The following GSE1 variants were observed in gnomAD, a reference collection of about 807,000 sequenced individuals.
GSE1 encodes the protein Gse1 coiled-coil protein.
A neutral mutation model predicts 112.6 loss-of-function variants in GSE1; 32 were observed. That is an observed-to-expected ratio of 0.28 (90% confidence interval 0.21 to 0.38). The LOEUF is 0.38. Among genes scored for constraint, GSE1 ranks in the 10% least tolerant of loss-of-function variants. GSE1 has a pLI of 1.00. For synonymous variants in GSE1, 1,115 were observed against 735.6 expected (o/e 1.52, Z -8.35); for missense variants, 2,348 against 1,699.2 (o/e 1.38, Z -6.71).
At chr16:85,552,328 C>CTT (rs1195413161), upstream of GSE1, among the ~76,000 whole-genome samples, 131 of 47,746 alleles carry the variant, frequency 2.7e-3, 5 homozygotes, top group East Asian at 3.8e-3. Flanking sequence ...CCCGCCCCTC[C>CTT]TTTTTTTTTT....
chr16:85,184,778 T>C (rs1344052610), intron 1 of GSE1, among the ~76,000 whole-genome samples: 1 of 152,254 alleles, frequency 6.6e-6, no homozygotes, highest in South Asian at 2.1e-4. Flanking sequence ...ATCTTATGGT[T>C]ATTGATTTCT....
chr16:85,322,145 A>T (rs2046121416), intron 1 of GSE1, among the ~76,000 whole-genome samples: 1 of 152,270 alleles, frequency 6.6e-6, no homozygotes, highest in Non-Finnish European at 1.5e-5. Flanking sequence ...CGCTCAGAGC[A>T]GTGTTGTTTC....
At chr16:85,498,928 C>A (rs2051271055) in intron 2 of GSE1, among the ~76,000 whole-genome samples, 1 of 152,250 alleles carries the variant, frequency 6.6e-6, no homozygotes, top group Non-Finnish European at 1.5e-5. Flanking sequence ...AGCGGCATTG[C>A]ACAGACCGGG....
intron 2 of GSE1, among the ~76,000 whole-genome samples, chr16:85,543,759 C>T (rs2044605845): frequency 6.6e-6 from 1 of 152,220 alleles, no homozygotes; most frequent in Non-Finnish European, 1.5e-5. Flanking sequence ...ACCCAGCGTG[C>T]TGGCTGGATT....
intron 1 of GSE1, among the ~76,000 whole-genome samples, chr16:85,218,731 T>TG (rs1485466488): frequency 6.6e-6 from 1 of 152,260 alleles, no homozygotes; most frequent in Non-Finnish European, 1.5e-5. Flanking sequence ...GGTCCTGCTC[T>TG]GTGCGTCCAG....
At position 85,656,343 on chromosome 16, in the gene GSE1, G is replaced by C; in HGVS notation, c.990G>C (p.Arg330Ser). The change falls in exon 7 of 16, where the codon AGG (arginine) becomes AGC (serine). Residue 330 changes from arginine (R) to serine (S), a missense_variant and splice_region_variant. By Grantham distance (110) the Arg-to-Ser change is moderately radical. Transcript: ENST00000253458. ...SERMSGLSAE[R>S]LQMDEELRRE... is the part of the protein sequence containing the mutation. ...CCCCAACTCTTTCCATGTGCTGCAG[G>C]CTGCAGATGGACGAGGAGCTAAGGC... 6.2e-7 allele frequency: 1 copy of C among 1,611,572 alleles called. No individual in the cohort carries two copies. The highest frequency in any genetic ancestry group is 8.5e-7 in the Non-Finnish European group (1 of 1,179,354).
intron 1 of GSE1, among the ~76,000 whole-genome samples, chr16:85,227,938 C>T (rs2075517031): frequency 6.6e-6 from 1 of 152,138 alleles, no homozygotes; most frequent in South Asian, 2.1e-4. Flanking sequence ...CAGATCAACG[C>T]AGAGAACCCC....
At position 85,654,922 on chromosome 16, in the gene GSE1, C is replaced by A. The variant is rs778445212; in HGVS notation, c.728C>A (p.Pro243Gln). The stretch of plus-strand genomic sequence containing the variant: ...TCACTGCCTCCCCTCGGCCTGGACC[C>A]GGCCACTGCTGCAGCCTACTACCAC... Reference protein sequence around the residue: ...MSSLPPLGLDPATAAAYYHPS... With the variant: ...MSSLPPLGLDQATAAAYYHPS... The change falls in exon 5 of 16, where the codon CCG becomes CAG. Residue 243 changes from proline (P) to glutamine (Q), a missense_variant. Physicochemically the swap from Pro to Gln is moderately conservative, Grantham distance 76 (BLOSUM62 -1). Coordinates refer to ENST00000253458, the MANE Select transcript of GSE1 (RefSeq NM_014615.5). 1.2e-6 allele frequency: 2 copies of A among 1,611,432 alleles called. No homozygotes were observed. Among genetic ancestry groups the A allele is most frequent in the Admixed American group, 3.3e-5 (2 of 59,972 alleles).
At chr16:85,172,164 A>T (rs2074370008) in intron 1 of GSE1, among the ~76,000 whole-genome samples, 1 of 152,082 alleles carries the variant, frequency 6.6e-6, no homozygotes, top group African/African-American at 2.4e-5. Flanking sequence ...GCCTGATAAC[A>T]TTGGTAATTA....
chr16:85,246,593 G>A (rs1042904590), intron 1 of GSE1, among the ~76,000 whole-genome samples: 3 of 145,828 alleles, frequency 2.1e-5, no homozygotes, highest in South Asian at 2.2e-4. Context: ...AATTATCCCC[G>A]GCCCTGGAGG....
At chr16:85,668,837 G>A (rs1399986096) in intron 14 of GSE1, among the ~76,000 whole-genome samples, 3 of 152,248 alleles carry the variant, frequency 2.0e-5, no homozygotes, top group South Asian at 4.1e-4. Context: ...TCCCCACACT[G>A]CAAGGATTGC....
intron 2 of GSE1, among the ~76,000 whole-genome samples, chr16:85,534,680 G>C (rs1034545372): frequency 6.6e-6 from 1 of 152,226 alleles, no homozygotes; most frequent in Non-Finnish European, 1.5e-5. Flanking sequence ...GCCGCCGTGA[G>C]CTCGGGTGTG....
intron 2 of GSE1, among the ~76,000 whole-genome samples, chr16:85,640,339 C>T (rs964941145): frequency 1.7e-4 from 26 of 152,226 alleles, no homozygotes; most frequent in Admixed American, 1.6e-3. Context: ...GTGTTACCTG[C>T]GGCAGGGGTG....
intron 2 of GSE1, among the ~76,000 whole-genome samples, chr16:85,370,804 C>G (rs1413755591): frequency 6.6e-6 from 1 of 152,236 alleles, no homozygotes; most frequent in Non-Finnish European, 1.5e-5. Context: ...GGATATCACT[C>G]TGTGTGACCA....
In GSE1 at chr16:85,398,051, G is replaced by C. The variant is rs572907049; in HGVS notation, c.2464+40408G>C. Among the ~76,000 whole-genome samples, 3 of 152,306 alleles carry C rather than the reference G, an allele frequency of 2.0e-5. No individual in the cohort carries two copies. The East Asian group carries it at 5.8e-4, about 29-fold the overall frequency. On this transcript the variant is annotated intron_variant, in intron 2 of 2. Coordinates refer to the GSE1 transcript ENST00000637419. ...AGCTTCCAGGTGATTCTGTGCAGGA[G>C]AGGACCCTAGGGAAGACGCACCTTG... is the stretch of plus-strand genomic sequence containing the variant.
intron 1 of GSE1, among the ~76,000 whole-genome samples, chr16:85,197,578 T>C (rs755682819): frequency 5.9e-5 from 9 of 152,180 alleles, no homozygotes; most frequent in Non-Finnish European, 1.0e-4. Flanking sequence ...CTGGGGACAG[T>C]GTTTCCTGCG....
chr16:85,387,192 C>T (rs1179491166), intron 2 of GSE1, among the ~76,000 whole-genome samples: 1 of 152,192 alleles, frequency 6.6e-6, no homozygotes, highest in Non-Finnish European at 1.5e-5. Flanking sequence ...GACACCGGGC[C>T]TAAGGAGGGT....
chr16:85,589,830 G>A (rs2046900775), intron 1 of GSE1, among the ~76,000 whole-genome samples: 1 of 152,084 alleles, frequency 6.6e-6, no homozygotes, highest in Non-Finnish European at 1.5e-5. Flanking sequence ...GAATATGTGT[G>A]AATGTGTGTG....
At chr16:85,657,100 C>CT (rs1377577297) in intron 7 of GSE1, among the ~76,000 whole-genome samples, 177 bp from the exon 8 acceptor site, 3 of 152,206 alleles carry the variant, frequency 2.0e-5, no homozygotes, top group African/African-American at 7.2e-5. Flanking sequence ...CTTCCAGGGA[C>CT]AAGACATGCT....
Sources: gnomAD v4.1 joint callset for allele counts (sites outside exome capture counted in the v4.1 genomes callset) on GRCh38, gnomAD v4.1.1 for gene constraint, MANE v1.5 for transcripts, NCBI Gene and HGNC (gene_info 2026-07-23, HGNC 2026-07-21) for gene names.